Variants in TP63 observed in about 807,000 individuals in gnomAD.
The protein encoded by TP63 is tumor protein p63.
TP63 carries 17 observed loss-of-function variants against 82.8 expected under a neutral mutation model. The ratio of observed to expected loss-of-function variants is 0.21; its 90% CI spans 0.14 to 0.31. TP63 has a LOEUF of 0.31. Ranked by LOEUF, TP63 falls within the 10% of genes least tolerant of loss-of-function variation. The pLI, the probability that TP63 is intolerant of heterozygous loss-of-function variation, is 1.00. For missense variants in TP63, 648 were observed against 895.3 expected, an observed-to-expected ratio of 0.72 and a Z score of 3.52; for synonymous variants, 330 against 321.7, an observed-to-expected ratio of 1.03 and a Z score of -0.28.
chr3:189,615,512 G>A, the TP63 span, among the ~76,000 whole-genome samples: 1 of 152,040 alleles, frequency 6.6e-6, no homozygotes, highest in Non-Finnish European at 1.5e-5. Context: ...TTCCTGCTTT[G>A]GCACATACCA....
chr3:189,868,696 A>C lies in TP63; in HGVS notation c.1109A>C (p.Asn370Thr), dbSNP rs762783899. ...RKQQVSDSTK[N>T]GDGTKRPFRQ... ...CAGCAAGTTTCGGACAGTACAAAGA[A>C]CGGTGATGGTACGAAGCGCCGTAAG... is the stretch of plus-strand genomic sequence containing the variant. The change falls in exon 8 of 14, where the codon AAC becomes ACC. Residue 370 changes from asparagine to threonine, a missense_variant. Coordinates refer to ENST00000264731, the MANE Select transcript of TP63 (RefSeq NM_003722.5). The C allele has an allele frequency of 6.8e-6, 11 of 1,613,962 alleles. No homozygotes were observed. Among genetic ancestry groups the C allele is most frequent in the Non-Finnish European group, 9.3e-6 (11 of 1,179,992 alleles).
At chr3:189,827,357 C>G (rs998270157) in intron 4 of TP63, among the ~76,000 whole-genome samples, 2 of 152,142 alleles carry the variant, frequency 1.3e-5, no homozygotes, top group South Asian at 2.1e-4. Flanking sequence ...ACCCACCCCC[C>G]ACCAGCTCCC....
chr3:189,862,647 C>T lies in TP63; in HGVS notation c.580-1585C>T, dbSNP rs115360521. On this transcript the variant is annotated intron_variant, in intron 4 of 13. Coordinates refer to ENST00000264731, the MANE Select transcript of TP63 (RefSeq NM_003722.5). ...AGATTATGCGTTATATACCTCCTAACGAAAACACGAATGGATATGCTTATT... is the reference window on the plus strand; with the variant it reads ...AGATTATGCGTTATATACCTCCTAATGAAAACACGAATGGATATGCTTATT... Among the ~76,000 whole-genome samples the T allele has an allele frequency of 4.5e-3, 678 of 152,242 alleles. 1 individual carries two copies. Among genetic ancestry groups the T allele is most frequent in the African/African-American group, 7.4e-3 (307 of 41,526 alleles).
chr3:189,763,573 A>G (rs916556746), intron 3 of TP63, among the ~76,000 whole-genome samples: 1 of 152,206 alleles, frequency 6.6e-6, no homozygotes, highest in African/African-American at 2.4e-5. Context: ...GTAAAGCTGT[A>G]AAGAGCAGAA....
intron 4 of TP63, among the ~76,000 whole-genome samples, chr3:189,860,444 A>T (rs757935731): frequency 2.6e-5 from 4 of 152,212 alleles, no homozygotes. Context: ...TAGACCAGGG[A>T]GACTGAACTT....
At chr3:189,698,054 T>G (rs1255309166) in intron 1 of TP63, among the ~76,000 whole-genome samples, 2 of 152,238 alleles carry the variant, frequency 1.3e-5, no homozygotes, top group South Asian at 2.1e-4. Flanking sequence ...TATTTAGGGC[T>G]TCCAGGACAA....
chr3:189,642,187 A>C (rs987852493), intron 1 of TP63, among the ~76,000 whole-genome samples: 1 of 152,170 alleles, frequency 6.6e-6, no homozygotes, highest in African/African-American at 2.4e-5. Context: ...ATGTAAGATG[A>C]TATGTGGTTT....
chr3:189,740,464 C>T (rs533362986), intron 3 of TP63, among the ~76,000 whole-genome samples: 56 of 149,230 alleles, frequency 3.8e-4, no homozygotes, highest in Admixed American at 7.3e-4. Context: ...TTCTCTTACA[C>T]ACTGAAGCAC....
At chr3:189,798,788 G>A (rs1400043429) in intron 3 of TP63, among the ~76,000 whole-genome samples, 1 of 151,980 alleles carries the variant, frequency 6.6e-6, no homozygotes, top group African/African-American at 2.4e-5. Context: ...TTTTATAATA[G>A]GACAAATAGA....
chr3:189,709,184 G>A (rs989113079), intron 1 of TP63, among the ~76,000 whole-genome samples: 6 of 152,040 alleles, frequency 3.9e-5, no homozygotes, highest in Non-Finnish European at 7.4e-5. Context: ...CAGCTTTTTT[G>A]AGAACAAGGA....
the TP63 span, among the ~76,000 whole-genome samples, chr3:189,603,680 G>C: frequency 2.1e-5 from 2 of 97,458 alleles, no homozygotes; most frequent in Admixed American, 2.3e-4. Flanking sequence ...AAAAAAAGAA[G>C]CACAGTCCTG....
At chr3:189,767,427 A>C (rs1430056267) in intron 3 of TP63, among the ~76,000 whole-genome samples, 4 of 152,210 alleles carry the variant, frequency 2.6e-5, no homozygotes, top group African/African-American at 9.6e-5. Flanking sequence ...CTTTCAATTT[A>C]TGCAGCGGAA....
chr3:189,811,493 C>T (rs940640582), intron 4 of TP63, among the ~76,000 whole-genome samples: 5 of 152,184 alleles, frequency 3.3e-5, no homozygotes, highest in Non-Finnish European at 7.3e-5. Flanking sequence ...TTCATTTCTT[C>T]TAAATTAGGG....
At chr3:189,888,977 A>C (rs1720739661) in intron 11 of TP63, among the ~76,000 whole-genome samples, 1 of 152,222 alleles carries the variant, frequency 6.6e-6, no homozygotes, top group Non-Finnish European at 1.5e-5. Context: ...TATAAGATCT[A>C]ATCTCTGTGC....
chr3:189,616,226 T>C, the TP63 span, among the ~76,000 whole-genome samples: 1 of 152,220 alleles, frequency 6.6e-6, no homozygotes, highest in Non-Finnish European at 1.5e-5. Context: ...TTTACCTAAT[T>C]ATAACTAGCT....
At chr3:189,637,629 GCATTTT>G (rs1325768188) in intron 1 of TP63, among the ~76,000 whole-genome samples, 3 of 152,070 alleles carry the variant, frequency 2.0e-5, no homozygotes, top group Non-Finnish European at 4.4e-5. Context: ...ACAAAACATA[GCATTTT>G]ATTAGATGTG....
chr3:189,599,562 A>G, the TP63 span, among the ~76,000 whole-genome samples: 2 of 152,226 alleles, frequency 1.3e-5, no homozygotes, highest in Non-Finnish European at 2.9e-5. Context: ...GGGAAGCCCA[A>G]TCAGCAACAG....
intron 4 of TP63, among the ~76,000 whole-genome samples, chr3:189,833,718 A>G (rs1455019127): frequency 6.6e-6 from 1 of 151,630 alleles, no homozygotes. Flanking sequence ...TACATAGTAG[A>G]TATATTTGCA....
At chr3:189,839,605 C>A (rs1314289682) in intron 4 of TP63, among the ~76,000 whole-genome samples, 1 of 152,166 alleles carries the variant, frequency 6.6e-6, no homozygotes, top group East Asian at 1.9e-4. Flanking sequence ...AAAGATTGAT[C>A]TCCAGAAGTT....
Sources: gnomAD v4.1 joint callset for allele counts (sites outside exome capture counted in the v4.1 genomes callset) on GRCh38, gnomAD v4.1.1 for gene constraint, MANE v1.5 for transcripts, NCBI Gene and HGNC (gene_info 2026-07-23, HGNC 2026-07-21) for gene names.